Variants in EYS observed in about 807,000 individuals in gnomAD.
The protein encoded by EYS is EGF-like photoreceptor maintenance factor, also known as protein eyes shut homolog.
A neutral mutation model predicts 282.1 loss-of-function variants in EYS; 250 were observed. The ratio of observed to expected loss-of-function variants is 0.89; its 90% CI spans 0.80 to 0.98. The LOEUF (loss-of-function observed/expected upper bound fraction) is 0.98, where lower values mean the gene tolerates loss of function less well. Among genes scored for constraint, EYS ranks in the 50% least tolerant of loss-of-function variants. The probability of loss-of-function intolerance (pLI) is 0.00; values close to 1 mark genes in which losing one functional copy is unlikely to be tolerated. For missense variants in EYS, 4,016 were observed against 3,709.0 expected, an observed-to-expected ratio of 1.08 and a Z score of -2.15; for synonymous variants, 1,355 against 1,282.9, an observed-to-expected ratio of 1.06 and a Z score of -1.20.
intron 12 of EYS, among the ~76,000 whole-genome samples, chr6:65,253,321 C>T (rs1490090235): frequency 1.3e-5 from 2 of 151,782 alleles, no homozygotes; most frequent in Admixed American, 6.6e-5. Context: ...TCATTAATTC[C>T]AGATGAATTA....
chr6:64,825,702 G>T (rs1455579866), intron 19 of EYS, among the ~76,000 whole-genome samples: 2 of 151,696 alleles, frequency 1.3e-5, no homozygotes, highest in Non-Finnish European at 2.9e-5. Context: ...TATTTAATGG[G>T]ACCTCTGCTT....
rs1476067439 is a variant in EYS at position 64,748,701 on chromosome 6, AGAG to A, written c.3443+64674_3443+64676del. Among the ~76,000 whole-genome samples, 5 of 152,244 alleles carry A rather than the reference AGAG, an allele frequency of 3.3e-5. No homozygotes were observed. In the South Asian group the frequency reaches 8.3e-4, roughly 25 times the overall value. ...TGTAATTAACCAAGTGGGCTTGGGA[AGAG>A]GAGATCAAAGTCTAAAAGAGCAAAA... is the stretch of plus-strand genomic sequence containing the variant. On this transcript the variant is annotated intron_variant, in intron 22 of 42. Transcript: ENST00000503581.
chr6:64,501,646 C>A (rs1445060934), intron 26 of EYS, among the ~76,000 whole-genome samples: 1 of 152,056 alleles, frequency 6.6e-6, no homozygotes, highest in Non-Finnish European at 1.5e-5. Context: ...CTCGGAAATA[C>A]CCAAACTTTG....
chr6:64,654,614 T>G (rs1768681582), intron 22 of EYS, among the ~76,000 whole-genome samples: 1 of 152,200 alleles, frequency 6.6e-6, no homozygotes, highest in South Asian at 2.1e-4. Context: ...CAAATGTTGC[T>G]TGACAAAGTT....
intron 11 of EYS, among the ~76,000 whole-genome samples, chr6:65,306,859 A>AAG (rs1769023756): frequency 2.1e-5 from 3 of 142,400 alleles, no homozygotes; most frequent in Non-Finnish European, 4.6e-5. Context: ...AAAAAAAAAA[A>AAG]AAAGAAAGTC....
At chr6:65,221,437 G>A (rs2150259507) in intron 12 of EYS, among the ~76,000 whole-genome samples, 1 of 152,334 alleles carries the variant, frequency 6.6e-6, no homozygotes, top group Middle Eastern at 3.4e-3. Flanking sequence ...TAGAGCTCAG[G>A]CCATTGCTTC....
intron 19 of EYS, among the ~76,000 whole-genome samples, chr6:64,878,743 C>T (rs1412198330): frequency 6.7e-6 from 1 of 150,192 alleles, no homozygotes; most frequent in Admixed American, 6.7e-5. Flanking sequence ...AGGCTGGGAA[C>T]ATGGGAAATA....
At chr6:64,968,738 C>T (rs1770186535) in intron 14 of EYS, among the ~76,000 whole-genome samples, 1 of 152,080 alleles carries the variant, frequency 6.6e-6, no homozygotes, top group Non-Finnish European at 1.5e-5. Flanking sequence ...CCATGGTGTG[C>T]CCCCAGATCT....
At chr6:65,596,985 A>C (rs774739890) in intron 2 of EYS, among the ~76,000 whole-genome samples, 24 of 152,148 alleles carry the variant, frequency 1.6e-4, no homozygotes, top group Non-Finnish European at 3.2e-4. Flanking sequence ...GAGAGAAGCC[A>C]GAGAACCGAA....
intron 12 of EYS, among the ~76,000 whole-genome samples, chr6:65,105,011 C>T (rs187635957): frequency 4.6e-5 from 7 of 151,400 alleles, no homozygotes; most frequent in African/African-American, 1.5e-4. Flanking sequence ...TCAGTCTTTC[C>T]ACTAGTCTTT....
chr6:65,224,047 G>C (rs1766549312), intron 12 of EYS, among the ~76,000 whole-genome samples: 1 of 152,142 alleles, frequency 6.6e-6, no homozygotes, highest in African/African-American at 2.4e-5. Context: ...AAGATGACTT[G>C]AGTAACACTA....
intron 33 of EYS, among the ~76,000 whole-genome samples, chr6:64,041,939 T>A (rs942566871): frequency 1.3e-5 from 2 of 152,194 alleles, no homozygotes; most frequent in African/African-American, 4.8e-5. Context: ...TCATCATGTG[T>A]TACCTGCCTT....
In EYS at chr6:64,989,665, AT is replaced by A. The variant is rs994098513; in HGVS notation, c.2259+7916del. On this transcript the variant is annotated intron_variant, in intron 14 of 42. Coordinates refer to ENST00000503581, the MANE Select transcript of EYS (RefSeq NM_001142800.2). ...CATAATTATAAAAATTATATTATTTATTTTTATACATTAAATTTTATATCTT... is the reference window on the plus strand; with the variant it reads ...CATAATTATAAAAATTATATTATTTATTTTATACATTAAATTTTATATCTT... Among the ~76,000 whole-genome samples, 29 of 144,734 alleles carry A rather than the reference AT, an allele frequency of 2.0e-4. No individual in the cohort carries two copies. In the East Asian group the frequency reaches 4.9e-3, roughly 25 times the overall value. The allele number at this position is 144,734 out of a possible 152,430, so 95.0% of individuals were successfully genotyped here.
intron 13 of EYS, among the ~76,000 whole-genome samples, chr6:65,006,006 G>T (rs1477564227): frequency 6.6e-6 from 1 of 152,084 alleles, no homozygotes; most frequent in South Asian, 2.1e-4. Flanking sequence ...ATTTCTTCTA[G>T]CAAGTTGTAT....
chr6:65,405,097 A>T, intron 6 of EYS, 77 bp downstream of exon 6: 1 of 975,538 alleles, frequency 1.0e-6, no homozygotes, highest in Non-Finnish European at 1.6e-6. Context: ...GATTCTAATT[A>T]TTTATTCTTT....
chr6:64,334,210 A>G (rs568339938), intron 29 of EYS, among the ~76,000 whole-genome samples: 1 of 152,206 alleles, frequency 6.6e-6, no homozygotes, highest in Admixed American at 6.5e-5. Flanking sequence ...AGATGCTCCA[A>G]CTGTTTGGAG....
At chr6:64,151,403 C>G (rs1157490148) in intron 31 of EYS, among the ~76,000 whole-genome samples, 3 of 137,962 alleles carry the variant, frequency 2.2e-5, no homozygotes, top group Non-Finnish European at 4.6e-5. Flanking sequence ...GCTCTGTCAC[C>G]AGGCTGGAGT....
At chr6:63,801,880 G>A (rs1464695070) in intron 37 of EYS, among the ~76,000 whole-genome samples, 3 of 152,164 alleles carry the variant, frequency 2.0e-5, no homozygotes, top group Non-Finnish European at 4.4e-5. Context: ...GGACATATCA[G>A]AAATTAGAGG....
At chr6:65,316,560 C>T (rs2150301929) in intron 11 of EYS, among the ~76,000 whole-genome samples, 1 of 150,272 alleles carries the variant, frequency 6.7e-6, no homozygotes, top group Non-Finnish European at 1.5e-5. Context: ...ATACAAGTGC[C>T]ACGGTGGTTT....
Sources: allele counts gnomAD v4.1 joint callset (sites outside exome capture counted in the v4.1 genomes callset), GRCh38; gene constraint gnomAD v4.1.1; transcripts MANE v1.5; gene names NCBI Gene and HGNC (gene_info 2026-07-23, HGNC 2026-07-21).